Variants in SLCO3A1 observed in about 807,000 individuals in gnomAD.
SLCO3A1 encodes the protein PGE1 transporter.
A neutral mutation model predicts 63.1 loss-of-function variants in SLCO3A1; 27 were observed. The observed-to-expected ratio is 0.43, with a 90% CI of 0.32 to 0.59. SLCO3A1 has a LOEUF of 0.59. Among genes scored for constraint, SLCO3A1 ranks in the 20% least tolerant of loss-of-function variants. The pLI is 0.09. For missense variants in SLCO3A1, 773 were observed against 945.8 expected, an observed-to-expected ratio of 0.82 and a Z score of 2.40; for synonymous variants, 473 against 409.9, an observed-to-expected ratio of 1.15 and a Z score of -1.86.
intron 9 of SLCO3A1, chr15:92,162,487 C>T: frequency 2.5e-6 from 1 of 406,104 alleles, no homozygotes; most frequent in Non-Finnish European, 4.3e-6. Context: ...TCACAGCCAT[C>T]TGGTGAAGAC....
intron 2 of SLCO3A1, among the ~76,000 whole-genome samples, chr15:92,039,437 A>G (rs949843989): frequency 6.6e-6 from 1 of 152,276 alleles, no homozygotes; most frequent in Non-Finnish European, 1.5e-5. Flanking sequence ...TCAAAAGAAG[A>G]CATTTATGTG....
intron 2 of SLCO3A1, among the ~76,000 whole-genome samples, chr15:91,930,468 A>G (rs1303496926): frequency 6.6e-6 from 1 of 152,218 alleles, no homozygotes; most frequent in Non-Finnish European, 1.5e-5. Context: ...TACATGCCCA[A>G]TGAGTAATAA....
At chr15:91,898,730 G>T (rs1898073573) in intron 1 of SLCO3A1, among the ~76,000 whole-genome samples, 1 of 151,900 alleles carries the variant, frequency 6.6e-6, no homozygotes. Context: ...GGGGGAGGGA[G>T]GCAAAAACTT....
chr15:92,065,735 A>G (rs185241028), intron 2 of SLCO3A1, among the ~76,000 whole-genome samples: 20 of 152,300 alleles, frequency 1.3e-4, no homozygotes, highest in Admixed American at 1.0e-3. Context: ...TTATTGAGGT[A>G]TAATTTATAT....
intron 2 of SLCO3A1, among the ~76,000 whole-genome samples, chr15:92,001,859 G>A (rs180715833): frequency 4.6e-5 from 6 of 131,648 alleles, no homozygotes; most frequent in Non-Finnish European, 4.8e-5. Context: ...TTTTTGAGAC[G>A]GAGTCTCGCT....
rs547410305 is a variant in SLCO3A1, at chr15:91,876,883, A to G, written c.180+22795A>G. ...GGGATCACAGGCCTTTTCTGTATTC[A>G]CATTGCCTGCCCACACACACTAACC... On this transcript the variant is annotated intron_variant, in intron 1 of 9. Transcript: ENST00000318445. Among the ~76,000 whole-genome samples, 24 of 152,312 alleles carry G rather than the reference A, an allele frequency of 1.6e-4. No homozygotes were observed. In the South Asian group the frequency reaches 4.8e-3, roughly 30 times the overall value.
intron 2 of SLCO3A1, among the ~76,000 whole-genome samples, chr15:91,973,086 G>A (rs892373319): frequency 6.6e-6 from 1 of 152,250 alleles, no homozygotes; most frequent in Non-Finnish European, 1.5e-5. Context: ...TTGCACTCCA[G>A]TCTGGCAACA....
At chr15:91,997,968 A>G (rs1162627956) in intron 2 of SLCO3A1, among the ~76,000 whole-genome samples, 1 of 152,240 alleles carries the variant, frequency 6.6e-6, no homozygotes, top group Non-Finnish European at 1.5e-5. Context: ...AATTTATGGC[A>G]AAGTCATCAA....
In SLCO3A1 at chr15:92,158,116, C is replaced by T. The variant is rs531327652; in HGVS notation, c.1754-4640C>T. Among the ~76,000 whole-genome samples the T allele has an allele frequency of 5.9e-5, 9 of 152,244 alleles. No homozygotes were observed. In the South Asian group the frequency reaches 1.9e-3, roughly 32 times the overall value. On this transcript the variant is annotated intron_variant, in intron 9 of 9. Coordinates refer to ENST00000318445, the MANE Select transcript of SLCO3A1 (RefSeq NM_013272.4). ...TGCTATTACTGCCTCAGGTGTCCAG[C>T]GAAATACTGAGTTTGTTTACAAAAT... is the stretch of plus-strand genomic sequence containing the variant.
At chr15:92,016,249 A>ATAGATAGATAGAT (rs1555424443) in intron 2 of SLCO3A1, among the ~76,000 whole-genome samples, 2 of 58,432 alleles carry the variant, frequency 3.4e-5, no homozygotes, top group Non-Finnish European at 5.8e-5. Flanking sequence ...AGATAGATAG[A>ATAGATAGATAGAT]TAGATTAGAT....
intron 2 of SLCO3A1, among the ~76,000 whole-genome samples, chr15:92,080,053 C>T (rs2047323909): frequency 6.6e-6 from 1 of 152,260 alleles, no homozygotes; most frequent in African/African-American, 2.4e-5. Context: ...CCTGGTAAGG[C>T]CTGGCTGGGC....
intron 1 of SLCO3A1, among the ~76,000 whole-genome samples, chr15:91,911,708 C>A (rs1355770669): frequency 1.3e-5 from 2 of 151,982 alleles, no homozygotes; most frequent in African/African-American, 4.8e-5. Flanking sequence ...CTCACTGCAA[C>A]CTCTGCCTCC....
chr15:91,980,484 G>T (rs560870806), intron 2 of SLCO3A1, among the ~76,000 whole-genome samples: 28 of 151,766 alleles, frequency 1.8e-4, no homozygotes, highest in African/African-American at 6.5e-4. Context: ...GAGGGGAGAA[G>T]GGGGTACTCA....
intron 2 of SLCO3A1, among the ~76,000 whole-genome samples, chr15:91,970,425 C>T (rs1451913940): frequency 1.3e-5 from 2 of 152,158 alleles, no homozygotes; most frequent in Admixed American, 6.5e-5. Context: ...TGGGAGGTGC[C>T]TTTGGGGTGG....
chr15:92,165,989 G>C (rs552186910), downstream of SLCO3A1: 1 of 657,092 alleles, frequency 1.5e-6, no homozygotes, highest in South Asian at 6.8e-5. Context: ...TCTCTCTGCT[G>C]AAATTGACAG....
At chr15:92,159,048 G>T (rs1309726744) in intron 9 of SLCO3A1, among the ~76,000 whole-genome samples, 5 of 152,096 alleles carry the variant, frequency 3.3e-5, no homozygotes, top group Non-Finnish European at 7.4e-5. Context: ...CAGACCCTTG[G>T]CGAAACACTC....
intron 2 of SLCO3A1, among the ~76,000 whole-genome samples, chr15:92,030,245 C>A (rs1002672050): frequency 1.4e-4 from 22 of 152,164 alleles, no homozygotes; most frequent in African/African-American, 5.1e-4. Flanking sequence ...TTTTACCCTC[C>A]TTTCATGGCC....
chr15:92,105,150 CA>C (rs2047652452), intron 4 of SLCO3A1, among the ~76,000 whole-genome samples: 1 of 152,060 alleles, frequency 6.6e-6, no homozygotes, highest in African/African-American at 2.4e-5. Context: ...CCTGTAATCC[CA>C]GCTACTCGGG....
intron 1 of SLCO3A1, among the ~76,000 whole-genome samples, chr15:91,895,702 C>T (rs185773328): frequency 2.0e-5 from 3 of 152,320 alleles, no homozygotes; most frequent in Admixed American, 2.0e-4. Context: ...TTCTTGACTT[C>T]CTCCAGCCTA....
Sources: gnomAD v4.1 joint callset for allele counts (sites outside exome capture counted in the v4.1 genomes callset) on GRCh38, gnomAD v4.1.1 for gene constraint, MANE v1.5 for transcripts, NCBI Gene and HGNC (gene_info 2026-07-23, HGNC 2026-07-21) for gene names.